The following FBXL5 variants were observed in gnomAD, a reference collection of about 807,000 sequenced individuals.
The protein encoded by FBXL5 is F-box and leucine rich repeat protein 5.
In FBXL5, 26 loss-of-function variants were observed where a neutral mutation model predicts 78.3. The ratio of observed to expected loss-of-function variants is 0.33; its 90% CI spans 0.24 to 0.46. FBXL5 has a LOEUF of 0.46. Ranked by LOEUF, FBXL5 falls within the 20% of genes least tolerant of loss-of-function variation. FBXL5 has a pLI of 1.00. For missense variants in FBXL5, 710 were observed against 829.2 expected, an observed-to-expected ratio of 0.86 and a Z score of 1.77; for synonymous variants, 295 against 282.5, an observed-to-expected ratio of 1.04 and a Z score of -0.45.
In FBXL5 at chr4:15,604,763, G is replaced by A. The variant is rs1487137430; in HGVS notation, c.*960C>T. On this transcript the variant is annotated 3_prime_UTR_variant, in exon 11 of 11. Coordinates refer to ENST00000341285, the MANE Select transcript of FBXL5 (RefSeq NM_012161.4). The stretch of plus-strand genomic sequence containing the variant: ...GGCACTAGTATGTGCCTTTCTGGGT[G>A]GCAGGCCTCCACTCTCATGATGTTT... 1.3e-5 allele frequency: 2 copies of A among 152,166 alleles called. No individual in the cohort carries two copies. Among genetic ancestry groups the A allele is most frequent in the Non-Finnish European group, 2.9e-5 (2 of 68,036 alleles). The allele number at this position is 152,166 out of a possible 1,614,324, so 9.4% of individuals were successfully genotyped here.
chr4:15,660,649 G>C (rs551719714), upstream of FBXL5, among the ~76,000 whole-genome samples: 1 of 152,040 alleles, frequency 6.6e-6, no homozygotes, highest in East Asian at 1.9e-4. Context: ...GTAAAGACTT[G>C]GTCTGGGACA....
intron 1 of FBXL5, among the ~76,000 whole-genome samples, chr4:15,648,105 A>T (rs1304109876): frequency 6.6e-6 from 1 of 151,972 alleles, no homozygotes. Context: ...GATCCTCCTG[A>T]CTCAGCATCC....
intron 1 of FBXL5, among the ~76,000 whole-genome samples, chr4:15,680,521 A>G (rs1674253197): frequency 6.6e-6 from 1 of 152,112 alleles, no homozygotes; most frequent in Non-Finnish European, 1.5e-5. Context: ...TTTGAAAAAT[A>G]CAAAAATTAG....
intron 9 of FBXL5, among the ~76,000 whole-genome samples, chr4:15,616,882 T>C (rs780498142): frequency 1.2e-4 from 19 of 152,202 alleles, no homozygotes; most frequent in Non-Finnish European, 1.3e-4. Context: ...TGTCACACTT[T>C]GGGCACTCAG....
At chr4:15,638,113 A>T (rs1393918770) in intron 4 of FBXL5, among the ~76,000 whole-genome samples, 1 of 152,216 alleles carries the variant, frequency 6.6e-6, no homozygotes, top group Non-Finnish European at 1.5e-5. Flanking sequence ...AGAGAAAAGC[A>T]GCCACTATGG....
At chr4:15,672,544 T>C (rs947084093) in intron 1 of FBXL5, among the ~76,000 whole-genome samples, 1 of 152,172 alleles carries the variant, frequency 6.6e-6, no homozygotes, top group Admixed American at 6.5e-5. Flanking sequence ...TATCTAAACA[T>C]AGAAAAGTTA....
rs915700402 is a variant in FBXL5 at position 15,679,242 on chromosome 4, T to C, written c.-284+2141A>G. Among the ~76,000 whole-genome samples the C allele has an allele frequency of 2.0e-5, 3 of 152,188 alleles. No individual in the cohort carries two copies. In the East Asian group the frequency reaches 5.8e-4, roughly 29 times the overall value. On this transcript the variant is annotated intron_variant, in intron 1 of 4. Transcript: ENST00000507899. ...CACACCCAGCTAATTTTTGTATTTT[T>C]AGTAGAGACAGGGTTTCACCATGTT...
At chr4:15,657,186 A>C (rs748393403), upstream of FBXL5, among the ~76,000 whole-genome samples, 4 of 152,084 alleles carry the variant, frequency 2.6e-5, no homozygotes, top group Non-Finnish European at 4.4e-5. Context: ...TCTTTACCTC[A>C]TACTAATCTT....
At chr4:15,614,310 G>A (rs1385861395) in intron 9 of FBXL5, among the ~76,000 whole-genome samples, 1 of 152,216 alleles carries the variant, frequency 6.6e-6, no homozygotes, top group Non-Finnish European at 1.5e-5. Context: ...TCTCAGCCAT[G>A]GGTACCAGCA....
At chr4:15,659,255 G>A (rs1717188313), upstream of FBXL5, among the ~76,000 whole-genome samples, 1 of 152,092 alleles carries the variant, frequency 6.6e-6, no homozygotes, top group African/African-American at 2.4e-5. Flanking sequence ...ATTTCTTGCT[G>A]CATGAATGAG....
chr4:15,672,356 G>A (rs1717803570), intron 1 of FBXL5, among the ~76,000 whole-genome samples: 1 of 152,212 alleles, frequency 6.6e-6, no homozygotes, highest in Non-Finnish European at 1.5e-5. Context: ...GATATGTTCT[G>A]AGGAATGCAC....
intron 1 of FBXL5, among the ~76,000 whole-genome samples, chr4:15,681,038 C>A (rs1355302797): frequency 1.3e-5 from 2 of 151,368 alleles, no homozygotes; most frequent in Non-Finnish European, 2.9e-5. Flanking sequence ...ACGAACCTAT[C>A]TTGTTAATGA....
chr4:15,636,718 G>A, intron 4 of FBXL5, 42 bp from the exon 5 acceptor site: 1 of 1,357,940 alleles, frequency 7.4e-7, no homozygotes, highest in Middle Eastern at 2.1e-4. Flanking sequence ...AGGCTAAAGA[G>A]CATATGCAAT....
At chr4:15,618,730 T>G (rs1406339100) in intron 9 of FBXL5, among the ~76,000 whole-genome samples, 3 of 151,932 alleles carry the variant, frequency 2.0e-5, no homozygotes, top group Non-Finnish European at 2.9e-5. Context: ...TAATCCCAGC[T>G]ACTTGGGAGG....
At chr4:15,620,731 C>T (rs993849128) in intron 9 of FBXL5, among the ~76,000 whole-genome samples, 1 of 152,208 alleles carries the variant, frequency 6.6e-6, no homozygotes, top group East Asian at 1.9e-4. Flanking sequence ...ATGGCCATAA[C>T]GCCCAAGCTG....
intron 1 of FBXL5, among the ~76,000 whole-genome samples, chr4:15,647,935 C>A (rs1344919455): frequency 6.6e-6 from 1 of 152,200 alleles, no homozygotes; most frequent in Non-Finnish European, 1.5e-5. Flanking sequence ...CTCACTGCAA[C>A]CTCAAACTCC....
chr4:15,647,386 A>G (rs1229829118), intron 1 of FBXL5, among the ~76,000 whole-genome samples: 1 of 152,170 alleles, frequency 6.6e-6, no homozygotes, highest in African/African-American at 2.4e-5. Flanking sequence ...TGTGTAAGTT[A>G]CATGCAAATA....
Position 15,636,504 on chromosome 4 carries a change from A to G in FBXL5, c.756T>C (p.His252=). The change falls in exon 5 of 11, where the codon CAT becomes CAC. Residue 252 remains histidine, a synonymous_variant. Transcript: ENST00000341285. ...AACCCATTTACCTACCTCTGGCCCA[A>G]TGAACAGGGTAAAGATGTTTCCAAA... ...GSLWKHLYPV[H]WARGDWYSGP... The G allele has an allele frequency of 6.3e-7, 1 of 1,595,616 alleles. No homozygotes were observed. Among genetic ancestry groups the G allele is most frequent in the African/African-American group, 1.3e-5 (1 of 74,614 alleles).
At chr4:15,629,360 T>C (rs1462467797) in intron 6 of FBXL5, among the ~76,000 whole-genome samples, 1 of 152,140 alleles carries the variant, frequency 6.6e-6, no homozygotes, top group Non-Finnish European at 1.5e-5. Flanking sequence ...TTCCTTAAGT[T>C]GACATCTGAG....
Sources: gnomAD v4.1 joint callset for allele counts (sites outside exome capture counted in the v4.1 genomes callset) on GRCh38, gnomAD v4.1.1 for gene constraint, MANE v1.5 for transcripts, NCBI Gene and HGNC (gene_info 2026-07-23, HGNC 2026-07-21) for gene names.